Variants in PCNT observed in about 807,000 individuals in gnomAD.
PCNT encodes pericentrin.
A neutral mutation model predicts 380.4 loss-of-function variants in PCNT; 319 were observed. The observed-to-expected ratio is 0.84, with a 90% CI of 0.77 to 0.92. The LOEUF (loss-of-function observed/expected upper bound fraction) is 0.92, where lower values mean the gene tolerates loss of function less well. PCNT is among the 40% of genes least tolerant of loss of function. The pLI is 0.00. For missense variants in PCNT, 4,400 were observed against 4,255.3 expected (o/e 1.03, Z -0.95); for synonymous variants, 1,845 against 1,735.2 (o/e 1.06, Z -1.57).
chr21:46,389,489 G>A, intron 19 of PCNT, 58 bp downstream of exon 19: 2 of 1,390,222 alleles, frequency 1.4e-6, no homozygotes, highest in South Asian at 1.2e-5. Context: ...AGCTGATGAT[G>A]CCACACGAGC....
At chr21:46,404,356 G>A (rs2147553253) in intron 27 of PCNT, among the ~76,000 whole-genome samples, 1 of 152,338 alleles carries the variant, frequency 6.6e-6, no homozygotes, top group East Asian at 1.9e-4. Context: ...CCCTATTAAG[G>A]TTCTGTCGGC....
intron 10 of PCNT, 134 bp from the exon 11 acceptor site, chr21:46,353,853 A>G (rs1281039091): frequency 2.7e-5 from 21 of 767,040 alleles, no homozygotes; most frequent in South Asian, 7.4e-5. Flanking sequence ...CTCCCCGCAC[A>G]TGGACATTGC....
chr21:46,359,766 C>T (rs1203582794), intron 13 of PCNT, among the ~76,000 whole-genome samples: 26 of 151,782 alleles, frequency 1.7e-4, no homozygotes, highest in Admixed American at 2.6e-4. Context: ...GGTTTACAGG[C>T]GTGAGCCACC....
At chr21:46,392,606 G>A (rs944961941) in intron 21 of PCNT, among the ~76,000 whole-genome samples, 44 of 152,232 alleles carry the variant, frequency 2.9e-4, no homozygotes, top group Non-Finnish European at 3.8e-4. Context: ...GGTTCAGGTC[G>A]TGCCTCCTCG....
intron 15 of PCNT, among the ~76,000 whole-genome samples, chr21:46,370,698 G>A (rs938515835): frequency 2.6e-5 from 4 of 152,146 alleles, no homozygotes; most frequent in African/African-American, 9.7e-5. Flanking sequence ...TTGAGCTCAG[G>A]AGTTCGAGAC....
intron 38 of PCNT, among the ~76,000 whole-genome samples, chr21:46,434,414 G>A: frequency 6.6e-6 from 1 of 152,208 alleles, no homozygotes. Context: ...TCAGCTCAGT[G>A]CTGGGGTTCC....
chr21:46,430,939 C>T (rs986445791), intron 37 of PCNT: 9 of 985,402 alleles, frequency 9.1e-6, no homozygotes, highest in Non-Finnish European at 1.1e-5. Flanking sequence ...GACACAGCCT[C>T]CTCGCTGGCA....
intron 38 of PCNT, among the ~76,000 whole-genome samples, chr21:46,432,550 T>C (rs1448924543): frequency 6.6e-6 from 1 of 152,256 alleles, no homozygotes; most frequent in Non-Finnish European, 1.5e-5. Flanking sequence ...TTAAATGTGC[T>C]GATTGCTCTG....
intron 40 of PCNT, 66 bp downstream of exon 40, chr21:46,437,147 T>G: frequency 9.7e-7 from 1 of 1,031,392 alleles, no homozygotes; most frequent in South Asian, 1.3e-5. Flanking sequence ...CTCGGCAGCT[T>G]TGTGGTTCTT....
Position 46,397,473 on chromosome 21 carries a change from C to T in PCNT, c.4425C>T (p.Arg1475=), listed in dbSNP as rs771067906. The T allele has an allele frequency of 3.6e-5, 58 of 1,613,914 alleles. No homozygotes were observed. Among genetic ancestry groups the T allele is most frequent in the Non-Finnish European group, 4.9e-5 (58 of 1,179,814 alleles). ...TGGCATCTCTGGACAAGCATTTGCG[C>T]AACCAGCGGCAATTCATGGATGTAA... ...QQVASLDKHL[R]NQRQFMDEQA... The change falls in exon 22 of 47, where the codon CGC becomes CGT. Residue 1475 remains arginine (R), a synonymous_variant. Coordinates refer to ENST00000359568, the MANE Select transcript of PCNT (RefSeq NM_006031.6).
rs771620972 is a variant in PCNT, at chr21:46,444,796, G to A, written c.9942G>A (p.Gln3314=). ...TEYIHHLEVI[Q]QRLGGVLPDS... is the part of the protein sequence containing the mutation. The stretch of plus-strand genomic sequence containing the variant: ...ATATTCACCATTTAGAAGTGATCCA[G>A]CAAAGATTGGGAGGGGTACTACCAG... The change falls in exon 46 of 47, where the codon CAG becomes CAA. Residue 3314 remains glutamine (Q), a synonymous_variant. Coordinates refer to ENST00000359568, the MANE Select transcript of PCNT (RefSeq NM_006031.6). The A allele has an allele frequency of 2.5e-6, 4 of 1,613,320 alleles. No homozygotes were observed. In the East Asian group the frequency reaches 6.7e-5, roughly 27 times the overall value.
At chr21:46,371,262 G>A (rs2085118370) in intron 15 of PCNT, among the ~76,000 whole-genome samples, 1 of 147,272 alleles carries the variant, frequency 6.8e-6, no homozygotes, top group Non-Finnish European at 1.5e-5. Flanking sequence ...AAAGTCTAGA[G>A]TGCAGTGTCA....
intron 3 of PCNT, among the ~76,000 whole-genome samples, chr21:46,336,884 C>A (rs1293227412): frequency 1.7e-5 from 1 of 60,288 alleles, no homozygotes; most frequent in African/African-American, 4.4e-5. Context: ...ATTCTGCCCT[C>A]CCCCCCAGGT....
At chr21:46,399,846 G>T in intron 25 of PCNT, 50 bp downstream of exon 25, 1 of 1,499,774 alleles carries the variant, frequency 6.7e-7, no homozygotes, top group Non-Finnish European at 9.3e-7. Context: ...TGTCCCGCAG[G>T]CATGGCTTCA....
intron 15 of PCNT, among the ~76,000 whole-genome samples, chr21:46,368,298 A>T (rs1348988743): frequency 1.3e-5 from 2 of 152,168 alleles, no homozygotes; most frequent in Non-Finnish European, 2.9e-5. Context: ...CCAAAAAAAA[A>T]TTAGCTGGGG....
rs757199569 is a variant in PCNT at position 46,416,186 on chromosome 21, G to A, written c.6268G>A (p.Asp2090Asn). The change falls in exon 30 of 47, where the codon GAT becomes AAT. Residue 2090 changes from aspartate (D) to asparagine (N), a missense_variant. By Grantham distance (23) the Asp-to-Asn change is conservative. Coordinates refer to ENST00000359568, the MANE Select transcript of PCNT (RefSeq NM_006031.6). The part of the protein sequence containing the change: ...LLYSMTFQNV[D>N]AADTKSLWPM... ...GTATTCCATGACCTTCCAGAATGTGGATGCTGCCGACACCAAATCTCTGTG... is the reference window on the plus strand; with the variant it reads ...GTATTCCATGACCTTCCAGAATGTGAATGCTGCCGACACCAAATCTCTGTG... The A allele has an allele frequency of 6.2e-7, 1 of 1,614,190 alleles. No homozygotes were observed. Among genetic ancestry groups the A allele is most frequent in the Admixed American group, 1.7e-5 (1 of 60,024 alleles).
At chr21:46,324,458 ATCCGCCGCTC>A (rs1226155468) in intron 1 of PCNT, among the ~76,000 whole-genome samples, 176 bp downstream of exon 1, 1 of 151,150 alleles carries the variant, frequency 6.6e-6, no homozygotes, top group Non-Finnish European at 1.5e-5. Flanking sequence ...GCCATCTTGA[ATCCGCCGCTC>A]TCCGCCAGGT....
intron 12 of PCNT, 51 bp downstream of exon 12, chr21:46,355,677 A>G: frequency 6.3e-7 from 1 of 1,593,268 alleles, no homozygotes; most frequent in East Asian, 2.3e-5. Flanking sequence ...GGTCTGGGGG[A>G]CGTTCTCGGG....
rs187395012 is a variant in PCNT, at chr21:46,418,480, C to T, written c.7024+174C>T. On this transcript the variant is annotated intron_variant, in intron 31 of 46. Coordinates refer to ENST00000359568, the MANE Select transcript of PCNT (RefSeq NM_006031.6). The stretch of plus-strand genomic sequence containing the variant: ...TGGGGCCTCTTGACTTCTGAAAACA[C>T]GCCTGTACCTTTCACAGAGCCAAGG... Among the ~76,000 whole-genome samples the T allele has an allele frequency of 5.4e-4, 83 of 152,364 alleles. 1 individual carries two copies. Among genetic ancestry groups the T allele is most frequent in the Admixed American group, 4.6e-3 (71 of 15,306 alleles).
Sources: gnomAD v4.1 joint callset for allele counts (sites outside exome capture counted in the v4.1 genomes callset) on GRCh38, gnomAD v4.1.1 for gene constraint, MANE v1.5 for transcripts, NCBI Gene and HGNC (gene_info 2026-07-23, HGNC 2026-07-21) for gene names.